Variants in NRG1 observed in about 807,000 individuals in gnomAD.
The protein encoded by NRG1 is pro-neuregulin-1, membrane-bound isoform.
A neutral mutation model predicts 63.8 loss-of-function variants in NRG1; 18 were observed. The ratio of observed to expected loss-of-function variants is 0.28; its 90% CI spans 0.19 to 0.42. NRG1 has a LOEUF of 0.42. Among genes scored for constraint, NRG1 ranks in the 10% least tolerant of loss-of-function variants. NRG1 has a pLI of 1.00. For missense variants in NRG1, 762 were observed against 814.7 expected (o/e 0.94, Z 0.79); for synonymous variants, 302 against 301.3 (o/e 1.00, Z -0.02).
chr8:32,172,216 G>A (rs1840146781), intron 1 of NRG1, among the ~76,000 whole-genome samples: 1 of 152,166 alleles, frequency 6.6e-6, no homozygotes, highest in African/African-American at 2.4e-5. Flanking sequence ...AGCCTCCGCT[G>A]CTGATACCCA....
At chr8:31,763,963 G>A (rs536587676) in intron 1 of NRG1, among the ~76,000 whole-genome samples, 2 of 137,588 alleles carry the variant, frequency 1.5e-5, no homozygotes, top group African/African-American at 2.8e-5. Flanking sequence ...CCAAGATCGC[G>A]CCACCACACT....
At chr8:31,726,764 T>C (rs2131333528) in intron 1 of NRG1, among the ~76,000 whole-genome samples, 1 of 123,434 alleles carries the variant, frequency 8.1e-6, no homozygotes, top group African/African-American at 3.0e-5. Context: ...CCCTGGAGAG[T>C]TGTCCTGGAA....
intron 5 of NRG1, among the ~76,000 whole-genome samples, chr8:32,686,568 C>T (rs1403040428): frequency 6.6e-6 from 1 of 152,290 alleles, no homozygotes; most frequent in South Asian, 2.1e-4. Flanking sequence ...GAAATTCCCT[C>T]CTCAGATACA....
intron 1 of NRG1, among the ~76,000 whole-genome samples, chr8:31,958,311 C>T (rs1804821277): frequency 6.6e-6 from 1 of 152,188 alleles, no homozygotes; most frequent in South Asian, 2.1e-4. Flanking sequence ...AGGAAGAAAG[C>T]CTTACATGAC....
intron 1 of NRG1, among the ~76,000 whole-genome samples, chr8:31,690,218 A>G (rs1007215034): frequency 1.4e-5 from 2 of 139,210 alleles, no homozygotes; most frequent in Non-Finnish European, 3.1e-5. Flanking sequence ...CTCCCTAGCC[A>G]TGCTGAACTG....
chr8:32,208,160 A>T (rs1844272252), intron 1 of NRG1, among the ~76,000 whole-genome samples: 1 of 152,200 alleles, frequency 6.6e-6, no homozygotes, highest in South Asian at 2.1e-4. Flanking sequence ...AAATATATGA[A>T]ACAATTAAGA....
intron 1 of NRG1, among the ~76,000 whole-genome samples, chr8:32,261,705 A>G (rs1174076873): frequency 1.3e-5 from 2 of 152,196 alleles, no homozygotes; most frequent in Non-Finnish European, 2.9e-5. Context: ...GGTAAAGGCC[A>G]GAAAAGATTA....
chr8:31,687,971 T>C (rs1029263892), intron 1 of NRG1, among the ~76,000 whole-genome samples: 3 of 152,242 alleles, frequency 2.0e-5, no homozygotes, highest in East Asian at 3.8e-4. Flanking sequence ...TCCCTACATC[T>C]GGGCCAAGAA....
At chr8:31,744,720 C>A (rs1250606050) in intron 1 of NRG1, among the ~76,000 whole-genome samples, 2 of 151,968 alleles carry the variant, frequency 1.3e-5, no homozygotes, top group Non-Finnish European at 1.5e-5. Context: ...GAAACACACA[C>A]AGGAAGCTGT....
At chr8:32,561,295 A>T (rs1836345860) in intron 1 of NRG1, among the ~76,000 whole-genome samples, 1 of 152,246 alleles carries the variant, frequency 6.6e-6, no homozygotes, top group Non-Finnish European at 1.5e-5. Flanking sequence ...GGAATAGCTT[A>T]GAGTACCTAT....
intron 1 of NRG1, among the ~76,000 whole-genome samples, chr8:32,466,699 G>A (rs923644820): frequency 6.6e-6 from 1 of 152,014 alleles, no homozygotes; most frequent in Non-Finnish European, 1.5e-5. Flanking sequence ...GGTTTGCTGT[G>A]GGATAGTTGA....
chr8:31,997,847 A>T (rs545398357), intron 1 of NRG1, among the ~76,000 whole-genome samples: 1 of 152,024 alleles, frequency 6.6e-6, no homozygotes, highest in South Asian at 2.1e-4. Flanking sequence ...CAACCCATGT[A>T]TGATAGGTAA....
At chr8:32,284,394 C>T (rs979020153) in intron 1 of NRG1, among the ~76,000 whole-genome samples, 2 of 152,076 alleles carry the variant, frequency 1.3e-5, no homozygotes, top group African/African-American at 4.8e-5. Flanking sequence ...CAATCTCTTT[C>T]CCCTACCATA....
chr8:32,723,905 C>T (rs1821380839), intron 5 of NRG1, among the ~76,000 whole-genome samples: 1 of 152,048 alleles, frequency 6.6e-6, no homozygotes, highest in Non-Finnish European at 1.5e-5. Flanking sequence ...AGTAGTCCCC[C>T]AGTTCTCAGC....
chr8:31,934,785 CAATT>C (rs1389869111), intron 1 of NRG1, among the ~76,000 whole-genome samples: 1 of 151,842 alleles, frequency 6.6e-6, no homozygotes, highest in East Asian at 1.9e-4. Context: ...ATTTTTTTCT[CAATT>C]AATTCCAGAA....
At chr8:32,176,158 C>T (rs1368131201) in intron 1 of NRG1, among the ~76,000 whole-genome samples, 1 of 152,156 alleles carries the variant, frequency 6.6e-6, no homozygotes, top group Non-Finnish European at 1.5e-5. Flanking sequence ...GAACAGAGGC[C>T]TCAGAAATAA....
chr8:32,674,735 A>C (rs905427137), intron 5 of NRG1, among the ~76,000 whole-genome samples: 4 of 152,220 alleles, frequency 2.6e-5, no homozygotes, highest in African/African-American at 9.6e-5. Flanking sequence ...TCTTAGAATT[A>C]TGGAAAGAAC....
chr8:32,713,985 C>T (rs757137926), intron 5 of NRG1, among the ~76,000 whole-genome samples: 3 of 151,886 alleles, frequency 2.0e-5, no homozygotes, highest in Non-Finnish European at 4.4e-5. Flanking sequence ...CCACCATGCC[C>T]AGCTAATTTT....
intron 1 of NRG1, among the ~76,000 whole-genome samples, chr8:31,699,392 C>T (rs908765513): frequency 1.1e-4 from 17 of 152,040 alleles, no homozygotes; most frequent in Admixed American, 7.2e-4. Context: ...ATTTTTTAGC[C>T]TTTGCATATT....
Sources: allele counts gnomAD v4.1 joint callset (sites outside exome capture counted in the v4.1 genomes callset), GRCh38; gene constraint gnomAD v4.1.1; transcripts MANE v1.5; gene names NCBI Gene and HGNC (gene_info 2026-07-23, HGNC 2026-07-21).